The following HTR4 variants were observed in gnomAD, a reference collection of about 807,000 sequenced individuals.
The protein encoded by HTR4 is 5-hydroxytryptamine receptor 4, also known as 5-hydroxytryptamine (serotonin) receptor 4, G protein-coupled.
In HTR4, 16 loss-of-function variants were observed where a neutral mutation model predicts 36.8. The observed-to-expected ratio is 0.43, with a 90% CI of 0.29 to 0.66. The LOEUF (loss-of-function observed/expected upper bound fraction) is 0.66, where lower values mean the gene tolerates loss of function less well. Ranked by LOEUF, HTR4 falls within the 30% of genes least tolerant of loss-of-function variation. The probability of loss-of-function intolerance (pLI) is 0.13; values close to 1 mark genes in which losing one functional copy is unlikely to be tolerated. For synonymous variants in HTR4, 189 were observed against 185.1 expected (o/e 1.02, Z -0.17); for missense variants, 438 against 490.9 (o/e 0.89, Z 1.02).
At chr5:148,546,943 A>G (rs183692187) in intron 4 of HTR4, among the ~76,000 whole-genome samples, 168 of 152,304 alleles carry the variant, frequency 1.1e-3, no homozygotes, top group African/African-American at 4.0e-3. Context: ...ACAAATTTCC[A>G]ACTATGCCAT....
At chr5:148,524,642 G>T (rs1056963229) in intron 4 of HTR4, among the ~76,000 whole-genome samples, 4 of 152,114 alleles carry the variant, frequency 2.6e-5, no homozygotes, top group African/African-American at 9.7e-5. Context: ...TGCTACAGTA[G>T]ATCTATCATT....
At chr5:148,566,689 A>G (rs902324327) in intron 2 of HTR4, among the ~76,000 whole-genome samples, 1 of 152,186 alleles carries the variant, frequency 6.6e-6, no homozygotes, top group Non-Finnish European at 1.5e-5. Flanking sequence ...CAAATCTGGT[A>G]TATGTATGTG....
At chr5:148,547,443 C>T (rs975209241) in intron 4 of HTR4, among the ~76,000 whole-genome samples, 2 of 151,484 alleles carry the variant, frequency 1.3e-5, no homozygotes, top group Non-Finnish European at 2.9e-5. Context: ...GGCGAGAACC[C>T]GGGAGGTGGA....
intron 4 of HTR4, among the ~76,000 whole-genome samples, chr5:148,530,075 C>T (rs1055538813): frequency 2.0e-4 from 31 of 152,202 alleles, no homozygotes; most frequent in African/African-American, 7.2e-4. Context: ...GACTTTGGTG[C>T]TGTTAAAAGC....
chr5:148,482,504 C>G lies in HTR4; in HGVS notation c.*699G>C. On this transcript the variant is annotated 3_prime_UTR_variant, in exon 7 of 7. Coordinates refer to ENST00000377888, the MANE Select transcript of HTR4 (RefSeq NM_000870.7). ...GAGACCATTTTCCTCTGACAGATCT[C>G]TGACCCTGTGTCTTCCATGGAAAAT... 1 of 985,626 alleles carries G rather than the reference C, an allele frequency of 1.0e-6. No individual in the cohort carries two copies. Among genetic ancestry groups the G allele is most frequent in the Non-Finnish European group, 1.2e-6 (1 of 830,110 alleles). The allele number at this position is 985,626 out of a possible 1,614,324, so 61.1% of individuals were successfully genotyped here.
intron 2 of HTR4, among the ~76,000 whole-genome samples, chr5:148,597,792 A>C (rs2127265313): frequency 6.6e-6 from 1 of 152,322 alleles, no homozygotes; most frequent in Non-Finnish European, 1.5e-5. Flanking sequence ...CCTATATTAT[A>C]TCCTTGCCTC....
chr5:148,615,851 C>T (rs73270410), intron 2 of HTR4, among the ~76,000 whole-genome samples: 14 of 152,118 alleles, frequency 9.2e-5, no homozygotes, highest in Non-Finnish European at 1.8e-4. Context: ...ATTTCTCCAG[C>T]GGGAGCCAAA....
downstream of HTR4, among the ~76,000 whole-genome samples, chr5:148,479,925 C>T (rs912832946): frequency 6.6e-6 from 1 of 152,102 alleles, no homozygotes; most frequent in African/African-American, 2.4e-5. Context: ...TAGCATTAAA[C>T]CACAATTAAC....
intron 2 of HTR4, among the ~76,000 whole-genome samples, chr5:148,550,814 G>A (rs1208675988): frequency 1.3e-5 from 2 of 152,140 alleles, no homozygotes; most frequent in East Asian, 1.9e-4. Flanking sequence ...AGAAGTGGAC[G>A]TCTCATGGCA....
chr5:148,577,585 A>C (rs1760974725), intron 2 of HTR4, among the ~76,000 whole-genome samples: 1 of 152,122 alleles, frequency 6.6e-6, no homozygotes, highest in African/African-American at 2.4e-5. Flanking sequence ...CATCAATGAC[A>C]GACTGGATAA....
intron 2 of HTR4, among the ~76,000 whole-genome samples, chr5:148,555,301 T>C (rs561306126): frequency 6.6e-6 from 1 of 152,178 alleles, no homozygotes; most frequent in Non-Finnish European, 1.5e-5. Flanking sequence ...TCAGAGCGTC[T>C]GTGATGAACA....
intron 2 of HTR4, among the ~76,000 whole-genome samples, chr5:148,623,951 T>C (rs938309881): frequency 2.6e-5 from 4 of 152,224 alleles, no homozygotes; most frequent in African/African-American, 7.2e-5. Flanking sequence ...GGAGGGTTCC[T>C]GAATCACAGA....
At chr5:148,463,196 G>A (rs182626884) in intron 5 of HTR4, among the ~76,000 whole-genome samples, 2,659 of 95,602 alleles carry the variant, frequency 0.028, 41 homozygotes, top group Middle Eastern at 0.058. Context: ...TTTTTGAGAC[G>A]GAGTCTCACT....
chr5:148,525,852 G>A (rs188508179), intron 4 of HTR4, among the ~76,000 whole-genome samples: 2,271 of 152,226 alleles, frequency 0.015, 23 homozygotes, highest in Middle Eastern at 0.048. Flanking sequence ...TTTAAAAGAG[G>A]CAATCAAATT....
chr5:148,498,361 T>C (rs949698392), intron 6 of HTR4, among the ~76,000 whole-genome samples: 2 of 152,214 alleles, frequency 1.3e-5, no homozygotes, highest in African/African-American at 4.8e-5. Context: ...GACTAAGTTC[T>C]CTATACCTTT....
At chr5:148,474,146 G>A (rs891255990), downstream of HTR4, among the ~76,000 whole-genome samples, 1 of 152,140 alleles carries the variant, frequency 6.6e-6, no homozygotes, top group African/African-American at 2.4e-5. Flanking sequence ...TGGGACAAGA[G>A]GTCCCACCAG....
At chr5:148,588,527 C>CT (rs35749777) in intron 2 of HTR4, among the ~76,000 whole-genome samples, 2,703 of 109,858 alleles carry the variant, frequency 0.025, 69 homozygotes, top group African/African-American at 0.045. Context: ...GGTTTTAATT[C>CT]TTTTTTTTTT....
intron 4 of HTR4, among the ~76,000 whole-genome samples, chr5:148,530,263 A>G (rs567107268): frequency 4.6e-5 from 7 of 152,192 alleles, no homozygotes; most frequent in Non-Finnish European, 1.0e-4. Flanking sequence ...TCTCCAGGCC[A>G]TGTTAGAGGT....
chr5:148,459,564 A>G (rs574102345), intron 5 of HTR4, among the ~76,000 whole-genome samples: 2 of 152,308 alleles, frequency 1.3e-5, no homozygotes, highest in East Asian at 3.9e-4. Flanking sequence ...CTCACAGCCC[A>G]GAAGCACAGG....
Sources: allele counts gnomAD v4.1 joint callset (sites outside exome capture counted in the v4.1 genomes callset), GRCh38; gene constraint gnomAD v4.1.1; transcripts MANE v1.5; gene names NCBI Gene and HGNC (gene_info 2026-07-23, HGNC 2026-07-21).